Variants in BTN2A1 observed in about 807,000 individuals in gnomAD.
BTN2A1 encodes the protein butyrophilin subfamily 2 member A1, also known as butyrophilin, subfamily 2, member A1.
A neutral mutation model predicts 34.5 loss-of-function variants in BTN2A1; 41 were observed. The observed-to-expected ratio is 1.19, with a 90% confidence interval of 0.93 to 1.54. The LOEUF (loss-of-function observed/expected upper bound fraction) is 1.54, where lower values mean the gene tolerates loss of function less well. Among genes scored for constraint, BTN2A1 ranks in the 40% most tolerant of loss-of-function variants. The pLI, the probability that BTN2A1 is intolerant of heterozygous loss-of-function variation, is 0.00. For missense variants in BTN2A1, 642 were observed against 662.0 expected (o/e 0.97, Z 0.33); for synonymous variants, 267 against 258.6 (o/e 1.03, Z -0.31).
At chr6:26,459,393 A>C (rs1763097042) in intron 2 of BTN2A1, 88 bp from the exon 3 acceptor site, 1 of 1,433,050 alleles carries the variant, frequency 7.0e-7, no homozygotes, top group Non-Finnish European at 9.5e-7. Flanking sequence ...GGAAAAAATA[A>C]GTTTGTCCCT....
chr6:26,471,573 A>G (rs1272583635), downstream of BTN2A1, among the ~76,000 whole-genome samples: 1 of 152,198 alleles, frequency 6.6e-6, no homozygotes, highest in African/African-American at 2.4e-5. Context: ...ACTAAAACCC[A>G]GAAGGTGGAG....
Position 26,469,240 on chromosome 6 carries a change from C to G in BTN2A1, c.*691C>G. ...CTGCAGTTGGCAAGGAGTCAGTACT[C>G]AGTCCCTGAGTGTGGCTGAAATTTG... is the stretch of plus-strand genomic sequence containing the variant. On this transcript the variant is annotated 3_prime_UTR_variant, in exon 8 of 8. Transcript: ENST00000312541. 1 of 1,020,576 alleles carries G rather than the reference C, an allele frequency of 9.8e-7. No individual in the cohort carries two copies. Among genetic ancestry groups the G allele is most frequent in the Non-Finnish European group, 1.2e-6 (1 of 850,486 alleles). The allele number at this position is 1,020,576 out of a possible 1,614,324, so 63.2% of individuals were successfully genotyped here.
chr6:26,474,332 G>T (rs1429024733), downstream of BTN2A1, among the ~76,000 whole-genome samples: 2 of 152,198 alleles, frequency 1.3e-5, no homozygotes, highest in African/African-American at 4.8e-5. Context: ...CTGTTTCTGT[G>T]TGTCACTTCC....
chr6:26,472,864 C>T (rs1043408593), downstream of BTN2A1, among the ~76,000 whole-genome samples: 20 of 152,076 alleles, frequency 1.3e-4, no homozygotes, highest in Non-Finnish European at 2.6e-4. Context: ...GAAAGCTCCC[C>T]CTGTGTGGCT....
rs1763109049 is a variant in BTN2A1, at chr6:26,459,708, AG to A, written c.311del (p.Ser104ThrfsTer38). Reference sequence around the variant, plus strand: ...AACCACCTTTGTGAGCAAAGACATCAGCAGGGGCAGCGTGGCCCTGGTCATA... The same window carrying A: ...AACCACCTTTGTGAGCAAAGACATCACAGGGGCAGCGTGGCCCTGGTCATA... ...GRTTFVSKDI[S>X]RGSVALVIHN... On this transcript the variant is annotated frameshift_variant, in exon 3 of 8. Transcript: ENST00000312541. LOFTEE classifies it high-confidence loss of function. 1 of 1,614,080 alleles carries A rather than the reference AG, an allele frequency of 6.2e-7. No homozygotes were observed. Among genetic ancestry groups the A allele is most frequent in the South Asian group, 1.1e-5 (1 of 91,090 alleles).
intron 3 of BTN2A1, among the ~76,000 whole-genome samples, chr6:26,461,611 T>C (rs6920982): frequency 0.88 from 133,359 of 152,100 alleles, 58,650 homozygotes; most frequent in African/African-American, 0.95. Flanking sequence ...GGTGAAACCC[T>C]GTCTTTACTA....
rs746481774 is a variant in BTN2A1 at position 26,458,715 on chromosome 6, T to G, written c.79T>G (p.Ser27Ala). The G allele has an allele frequency of 4.3e-6, 7 of 1,613,940 alleles. No individual in the cohort carries two copies. In the African/African-American group the frequency reaches 5.3e-5, roughly 12 times the overall value. Residue 27 changes from serine (S) to alanine (A), a missense_variant, in exon 2 of 8, where the codon TCA (serine) becomes GCA (alanine). By Grantham distance (99) the Ser-to-Ala change is moderately conservative. Transcript: ENST00000312541. Reference protein sequence around the residue: ...LLLLSLCALVSAQFIVVGPTD... With the variant: ...LLLLSLCALVAAQFIVVGPTD... ...CCTCCTCAGCCTGTGTGCACTGGTCTCAGGTAGGGATGTGTGCCACTTGCT... is the reference window on the plus strand; with the variant it reads ...CCTCCTCAGCCTGTGTGCACTGGTCGCAGGTAGGGATGTGTGCCACTTGCT...
In BTN2A1 at chr6:26,468,164, TG is replaced by T. The variant is rs769376598; in HGVS notation, c.1204del (p.Val402SerfsTer14). On this transcript the variant is annotated frameshift_variant, in exon 8 of 8. Transcript: ENST00000312541. LOFTEE classifies it low-confidence loss of function (END_TRUNC). ...VEVENVIEWT[V>X]GVCRDSVERK... ...GTGGAAAACGTGATTGAGTGGACTG[TG>T]GGGGTCTGTAGAGACAGTGTTGAGA... The T allele has an allele frequency of 1.4e-5, 22 of 1,613,986 alleles. No individual in the cohort carries two copies. The highest frequency in any genetic ancestry group is 1.9e-5 in the Non-Finnish European group (22 of 1,179,974).
intron 3 of BTN2A1, among the ~76,000 whole-genome samples, chr6:26,462,128 C>T (rs12660069): frequency 0.023 from 3,560 of 152,204 alleles, 66 homozygotes; most frequent in South Asian, 0.061. Context: ...AAAGGAATTA[C>T]TCAGAAGAAG....
In BTN2A1 at chr6:26,463,231, T is replaced by C; in HGVS notation, c.431-13T>C. The C allele has an allele frequency of 6.4e-7, 1 of 1,560,348 alleles. No individual in the cohort carries two copies. Among genetic ancestry groups the C allele is most frequent in the Non-Finnish European group, 8.7e-7 (1 of 1,155,816 alleles). ...GCACTGACTTTTGCCTGAACCCTGA[T>C]ATCTCTCCACAGGACTAGGCTCTAA... is the stretch of plus-strand genomic sequence containing the variant. On this transcript the variant is annotated splice_polypyrimidine_tract_variant and intron_variant, in intron 3 of 7. Transcript: ENST00000312541.
At chr6:26,464,774 A>G (rs964564209) in intron 4 of BTN2A1, among the ~76,000 whole-genome samples, 2 of 152,236 alleles carry the variant, frequency 1.3e-5, no homozygotes, top group African/African-American at 4.8e-5. Flanking sequence ...TGACGTGGAA[A>G]GCGTTGGAAG....
At chr6:26,459,873 T>C (rs1180492150) in intron 3 of BTN2A1, 45 bp downstream of exon 3, 1 of 1,552,548 alleles carries the variant, frequency 6.4e-7, no homozygotes, top group Non-Finnish European at 8.7e-7. Context: ...CAGTGTGACT[T>C]TGGGGAAAGT....
At chr6:26,475,367 A>G (rs1433173188) in intron 7 of BTN2A1, among the ~76,000 whole-genome samples, 2 of 152,026 alleles carry the variant, frequency 1.3e-5, no homozygotes, top group Non-Finnish European at 2.9e-5. Flanking sequence ...CTCTCCACCC[A>G]CACCTACTTG....
At chr6:26,474,735 A>G (rs1763508974) in intron 7 of BTN2A1, among the ~76,000 whole-genome samples, 1 of 149,740 alleles carries the variant, frequency 6.7e-6, no homozygotes, top group Admixed American at 6.8e-5. Flanking sequence ...AACTAATTAC[A>G]GTCAGAAAGG....
Position 26,459,816 on chromosome 6 carries a change from C to T in BTN2A1, c.418C>T (p.Leu140Phe). 6.2e-7 allele frequency: 1 copy of T among 1,612,386 alleles called. No homozygotes were observed. The highest frequency in any genetic ancestry group is 8.5e-7 in the Non-Finnish European group (1 of 1,178,700). Residue 140 changes from leucine to phenylalanine, a missense_variant, in exon 3 of 8, where the codon CTC becomes TTC. Coordinates refer to ENST00000312541, the MANE Select transcript of BTN2A1 (RefSeq NM_007049.5). Reference protein sequence around the residue: ...GRSYDEAILHLVVAGLGSKPL... With the variant: ...GRSYDEAILHFVVAGLGSKPL... ...GTCCTACGATGAGGCCATCCTGCAC[C>T]TCGTAGTGGCAGGTGCGTCGCTTCA...
Position 26,468,133 on chromosome 6 carries a change from G to A in BTN2A1, c.1168G>A (p.Val390Met), listed in dbSNP as rs1473817862. 3.1e-6 allele frequency: 5 copies of A among 1,613,934 alleles called. No homozygotes were observed. The African/African-American group carries it at 4.0e-5, about 13-fold the overall frequency. ...CGCTTCAGGGAAACATTACTGGGAGGTGGAGGTGGAAAACGTGATTGAGTG... is the reference window on the plus strand; with the variant it reads ...CGCTTCAGGGAAACATTACTGGGAGATGGAGGTGGAAAACGTGATTGAGTG... ...SFASGKHYWE[V>M]EVENVIEWTV... The change falls in exon 8 of 8, where the codon GTG becomes ATG. Residue 390 changes from valine to methionine, a missense_variant. By Grantham distance (21) the Val-to-Met change is conservative. Coordinates refer to ENST00000312541, the MANE Select transcript of BTN2A1 (RefSeq NM_007049.5).
At chr6:26,471,034 A>T (rs1055627440), downstream of BTN2A1, among the ~76,000 whole-genome samples, 15 of 152,216 alleles carry the variant, frequency 9.9e-5, no homozygotes, top group Admixed American at 9.8e-4. Context: ...GGCTTAAATG[A>T]TAGTGTTTTG....
rs749085575 is a variant in BTN2A1, at chr6:26,465,298, A to G, written c.826A>G (p.Lys276Glu). ...IYWINKLQKEKKILSGEKEFE... is the reference protein window; with the variant it reads ...IYWINKLQKEEKILSGEKEFE... ...TTGGATCAACAAACTCCAAAAGGAA[A>G]AAAAGATTCTGTCAGGGGAAAAGGA... The change falls in exon 5 of 8, where the codon AAA (lysine) becomes GAA (glutamate). Residue 276 changes from lysine to glutamate, a missense_variant. Lys to Glu is a moderately conservative substitution (Grantham distance 56). Coordinates refer to ENST00000312541, the MANE Select transcript of BTN2A1 (RefSeq NM_007049.5). 3 of 1,614,220 alleles carry G rather than the reference A, an allele frequency of 1.9e-6. No homozygotes were observed. The highest frequency in any genetic ancestry group is 2.5e-6 in the Non-Finnish European group (3 of 1,180,024).
At chr6:26,460,937 T>C (rs530328656) in intron 3 of BTN2A1, among the ~76,000 whole-genome samples, 4 of 151,912 alleles carry the variant, frequency 2.6e-5, no homozygotes, top group African/African-American at 7.3e-5. Flanking sequence ...AAAAAAGATA[T>C]ATTTGAGGAC....
Sources: allele counts gnomAD v4.1 joint callset (sites outside exome capture counted in the v4.1 genomes callset), GRCh38; gene constraint gnomAD v4.1.1; transcripts MANE v1.5; gene names NCBI Gene and HGNC (gene_info 2026-07-23, HGNC 2026-07-21).